PKDREJ: variants seen among roughly 807,000 people sequenced by gnomAD.
The protein encoded by PKDREJ is PKD and REJ homolog.
For missense variants in PKDREJ, 2,507 were observed against 2,807.2 expected, an observed-to-expected ratio of 0.89 and a Z score of 2.42; for synonymous variants, 1,031 against 1,095.5, an observed-to-expected ratio of 0.94 and a Z score of 1.16.
chr22:46,259,362 T>C lies in PKDREJ; in HGVS notation c.3961A>G (p.Ser1321Gly), dbSNP rs777653724. 9 of 1,614,106 alleles carry C rather than the reference T, an allele frequency of 5.6e-6. No individual in the cohort carries two copies. Among genetic ancestry groups the C allele is most frequent in the Non-Finnish European group, 5.9e-6 (7 of 1,180,046 alleles). The change falls in exon 1 of 1, where the codon AGC (serine) becomes GGC (glycine). Residue 1321 changes from serine to glycine, a missense_variant. By Grantham distance (56) the Ser-to-Gly change is moderately conservative. Transcript: ENST00000253255. This position sits in a 1 kb window ranked among gnomAD's most constrained non-coding sequence, Gnocchi z 6.8. ...LSRIKVENLF[S>G]RHIWLFICQK... The stretch of plus-strand genomic sequence containing the variant: ...CATATGAACAGCCAAATGTGCCTGC[T>C]AAACAGATTTTCCACTTTGATTCTA...
In PKDREJ at chr22:46,257,666, A is replaced by T; in HGVS notation, c.5657T>A (p.Phe1886Tyr). 6.2e-7 allele frequency: 1 copy of T among 1,614,180 alleles called. No individual in the cohort carries two copies. The highest frequency in any genetic ancestry group is 2.2e-5 in the East Asian group (1 of 44,886). ...GGAATTAAACCGCTGCTGTTCTGGA[A>T]AAAAATAGAGTGCATATCCTCCAGA... ...YGSGGYALYF[F>Y]PEQQRFNSTL... The change falls in exon 1 of 1, where the codon TTT becomes TAT. Residue 1886 changes from phenylalanine (F) to tyrosine (Y), a missense_variant. Phe to Tyr is a conservative substitution (Grantham distance 22). Coordinates refer to ENST00000253255, the MANE Select transcript of PKDREJ (RefSeq NM_006071.2). The surrounding 1 kb of genome is among the most constrained non-coding windows in gnomAD (Gnocchi z 4.7).
At position 46,260,250 on chromosome 22, in the gene PKDREJ, C is replaced by T; in HGVS notation, c.3073G>A (p.Val1025Ile). 1 of 1,614,132 alleles carries T rather than the reference C, an allele frequency of 6.2e-7. No individual in the cohort carries two copies. The change falls in exon 1 of 1, where the codon GTC becomes ATC. Residue 1025 changes from valine to isoleucine, a missense_variant. Val to Ile is a conservative substitution (Grantham distance 29). Transcript: ENST00000253255. The surrounding 1 kb of genome is among the most constrained non-coding windows in gnomAD (Gnocchi z 4.5). Reference protein sequence around the residue: ...TGSQITPTALVATFLVPHDIP... With the variant: ...TGSQITPTALIATFLVPHDIP... ...TCATGAGGCACCAGGAAGGTGGCGACCAGCGCTGTGGGAGTGATCTGACTG... is the reference window on the plus strand; with the variant it reads ...TCATGAGGCACCAGGAAGGTGGCGATCAGCGCTGTGGGAGTGATCTGACTG...
At position 46,262,893 on chromosome 22, in the gene PKDREJ, G is replaced by A. The variant is rs1310139970; in HGVS notation, c.430C>T (p.Arg144Cys). The change falls in exon 1 of 1, where the codon CGC becomes TGC. Residue 144 changes from arginine to cysteine, a missense_variant. Arg to Cys is a radical substitution (Grantham distance 180). Transcript: ENST00000253255. The surrounding 1 kb of genome is among the most constrained non-coding windows in gnomAD (Gnocchi z 8.1). ...RSPGRLAWAF[R>C]LRLLGPGAAR... is the part of the protein sequence containing the mutation. The stretch of plus-strand genomic sequence containing the variant: ...GCGCCGGGTCCGAGCAGCCGCAGGC[G>A]GAAGGCCCAGGCCAGGCGCCCGGGC... The A allele has an allele frequency of 3.7e-6, 4 of 1,072,388 alleles. No homozygotes were observed. The highest frequency in any genetic ancestry group is 4.5e-6 in the Non-Finnish European group (4 of 887,568). The allele number at this position is 1,072,388 out of a possible 1,614,324, so 66.4% of individuals were successfully genotyped here. A position where few individuals can be genotyped will look rare whatever the true frequency, so the allele number is the denominator to read the frequency against.
chr22:46,262,749 TCA>T lies in PKDREJ; in HGVS notation c.572_573del (p.Val191AspfsTer105). ...CTGGACGAGTTGACGGCCTGCAACA[TCA>T]CGCGCGCGGGGCCGTCTGTGGGGCA... ...TECPTDGPAR[V>X]MLQAVNSSSH... is the part of the protein sequence containing the mutation. On this transcript the variant is annotated frameshift_variant, in exon 1 of 1. Transcript: ENST00000253255. LOFTEE classifies it low-confidence loss of function (END_TRUNC). The surrounding 1 kb of genome is among the most constrained non-coding windows in gnomAD (Gnocchi z 8.1). 1 of 1,596,224 alleles carries T rather than the reference TCA, an allele frequency of 6.3e-7. No homozygotes were observed.
At position 46,258,402 on chromosome 22, in the gene PKDREJ, G is replaced by C; in HGVS notation, c.4921C>G (p.Pro1641Ala). The C allele has an allele frequency of 6.2e-7, 1 of 1,614,072 alleles. No individual in the cohort carries two copies. Among genetic ancestry groups the C allele is most frequent in the Non-Finnish European group, 8.5e-7 (1 of 1,180,006 alleles). The change falls in exon 1 of 1, where the codon CCC becomes GCC. Residue 1641 changes from proline to alanine, a missense_variant. By Grantham distance (27) the Pro-to-Ala change is conservative (BLOSUM62 -1). Transcript: ENST00000253255. The surrounding 1 kb of genome is among the most constrained non-coding windows in gnomAD (Gnocchi z 6.1). ...ILLSGFRTNK[P>A]KYCKNLSWST... is the part of the protein sequence containing the mutation. Reference sequence around the variant, plus strand: ...CATGAAAGGTTTTTGCAATACTTGGGTTTATTCGTTCTGAAGCCTGACAGG... The same window carrying C: ...CATGAAAGGTTTTTGCAATACTTGGCTTTATTCGTTCTGAAGCCTGACAGG...
In PKDREJ at chr22:46,257,896, G is replaced by T; in HGVS notation, c.5427C>A (p.Ala1809=). The T allele has an allele frequency of 6.2e-7, 1 of 1,613,984 alleles. No individual in the cohort carries two copies. Among genetic ancestry groups the T allele is most frequent in the Non-Finnish European group, 8.5e-7 (1 of 1,180,010 alleles). ...AKSSEKMCLP[A]EKFVQNSIRR... The stretch of plus-strand genomic sequence containing the variant: ...TGATGCTGTTTTGCACAAACTTTTC[G>T]GCAGGTAGACACATTTTTTCACTAG... The change falls in exon 1 of 1, where the codon GCC becomes GCA. Residue 1809 remains alanine (A), a synonymous_variant. Transcript: ENST00000253255. The surrounding 1 kb of genome is among the most constrained non-coding windows in gnomAD (Gnocchi z 4.7).
rs1936697437 is a variant in PKDREJ, at chr22:46,261,631, T to A, written c.1692A>T (p.Gly564=). The A allele has an allele frequency of 1.2e-6, 2 of 1,613,910 alleles. No homozygotes were observed. The highest frequency in any genetic ancestry group is 1.7e-5 in the Admixed American group (1 of 59,998). The stretch of plus-strand genomic sequence containing the variant: ...CTTTAGCTGGATTAATTTTGCATTC[T>A]CCGATCTGAGGGCCATGGTTAATAA... ...SFIINHGPQI[G]ECKINPAKGI... Residue 564 remains glycine (G), a synonymous_variant, in exon 1 of 1, where the codon GGA becomes GGT. Coordinates refer to ENST00000253255, the MANE Select transcript of PKDREJ (RefSeq NM_006071.2). The surrounding 1 kb of genome is among the most constrained non-coding windows in gnomAD (Gnocchi z 7.1).
In PKDREJ at chr22:46,262,985, A is replaced by ACGAGCGCGAGCG; in HGVS notation, c.326_337dup (p.Ala109_Leu112dup). ...GCCGCGCGCGGAGAGCTGCAGGTCG[A>ACGAGCGCGAGCG]CGAGCGCGAGCGCGGGCGCGGCCGG... is the stretch of plus-strand genomic sequence containing the variant. On this transcript the variant is annotated inframe_insertion, in exon 1 of 1. Coordinates refer to ENST00000253255, the MANE Select transcript of PKDREJ (RefSeq NM_006071.2). This position sits in a 1 kb window ranked among gnomAD's most constrained non-coding sequence, Gnocchi z 8.1. 4 of 1,214,772 alleles carry ACGAGCGCGAGCG rather than the reference A, an allele frequency of 3.3e-6. No homozygotes were observed. Among genetic ancestry groups the ACGAGCGCGAGCG allele is most frequent in the Non-Finnish European group, 4.1e-6 (4 of 971,866 alleles). 75.2% of individuals were successfully genotyped at this position (1,214,772 alleles called of 1,614,324 possible).
Position 46,262,322 on chromosome 22 carries a change from C to A in PKDREJ, c.1001G>T (p.Ser334Ile). The A allele has an allele frequency of 6.2e-7, 1 of 1,614,216 alleles. No homozygotes were observed. The highest frequency in any genetic ancestry group is 8.5e-7 in the Non-Finnish European group (1 of 1,180,048). The change falls in exon 1 of 1, where the codon AGT (serine) becomes ATT (isoleucine). Residue 334 changes from serine (S) to isoleucine (I), a missense_variant. Coordinates refer to ENST00000253255, the MANE Select transcript of PKDREJ (RefSeq NM_006071.2). This position sits in a 1 kb window ranked among gnomAD's most constrained non-coding sequence, Gnocchi z 8.1. ...GCCAAGCATCACCGCCTGCAGGGAA[C>A]TCCTGACGATCCAGACATAGACGGC... ...SDAVYVWIVR[S>I]SLQAVMLGDA...
In PKDREJ at chr22:46,260,194, CAG is replaced by C. The variant is rs1385922119; in HGVS notation, c.3127_3128del (p.Leu1043ValfsTer2). 6 of 1,614,144 alleles carry C rather than the reference CAG, an allele frequency of 3.7e-6. No homozygotes were observed. The Admixed American group carries it at 5.0e-5, about 13-fold the overall frequency. On this transcript the variant is annotated frameshift_variant, in exon 1 of 1. Transcript: ENST00000253255. LOFTEE classifies it low-confidence loss of function (END_TRUNC). This position sits in a 1 kb window ranked among gnomAD's most constrained non-coding sequence, Gnocchi z 4.5. ...DIPPFASQSA[L>X]FDPACTVKKA... is the part of the protein sequence containing the mutation. Reference sequence around the variant, plus strand: ...TCTTCACTGTGCAGGCTGGGTCAAACAGGGCACTCTGGCTGGCAAATGGAGGG... The same window carrying C: ...TCTTCACTGTGCAGGCTGGGTCAAACGGCACTCTGGCTGGCAAATGGAGGG...
In PKDREJ at chr22:46,257,679, C is replaced by T. The variant is rs1936647849; in HGVS notation, c.5644G>A (p.Ala1882Thr). The change falls in exon 1 of 1, where the codon GCA becomes ACA. Residue 1882 changes from alanine to threonine, a missense_variant. Coordinates refer to ENST00000253255, the MANE Select transcript of PKDREJ (RefSeq NM_006071.2). This position sits in a 1 kb window ranked among gnomAD's most constrained non-coding sequence, Gnocchi z 4.7. ...TGCTGTTCTGGAAAAAAATAGAGTG[C>T]ATATCCTCCAGATCCATAGGTGTGT... ...LLHTYGSGGY[A>T]LYFFPEQQRF... The T allele has an allele frequency of 1.2e-5, 19 of 1,614,192 alleles. No homozygotes were observed. Among genetic ancestry groups the T allele is most frequent in the Non-Finnish European group, 1.6e-5 (19 of 1,180,012 alleles).
In PKDREJ at chr22:46,256,495, C is replaced by T. The variant is rs1936632669; in HGVS notation, c.*66G>A. The T allele has an allele frequency of 3.9e-6, 6 of 1,543,942 alleles. No homozygotes were observed. The highest frequency in any genetic ancestry group is 2.2e-5 in the East Asian group (1 of 44,542). ...GACTAGGCCACTGACACTCCCTAAT[C>T]CCCTTAATCCCACAGACTCAGCAGT... On this transcript the variant is annotated 3_prime_UTR_variant, in exon 1 of 1. Transcript: ENST00000253255. This position sits in a 1 kb window ranked among gnomAD's most constrained non-coding sequence, Gnocchi z 5.3.
chr22:46,263,241 G>A lies in PKDREJ; in HGVS notation c.82C>T (p.Arg28Cys). 1 of 1,458,778 alleles carries A rather than the reference G, an allele frequency of 6.9e-7. No homozygotes were observed. Among genetic ancestry groups the A allele is most frequent in the South Asian group, 1.3e-5 (1 of 77,254 alleles). The allele number at this position is 1,458,778 out of a possible 1,614,324, so 90.4% of individuals were successfully genotyped here. The change falls in exon 1 of 1, where the codon CGC becomes TGC. Residue 28 changes from arginine to cysteine, a missense_variant. By Grantham distance (180) the Arg-to-Cys change is radical (BLOSUM62 -3). Transcript: ENST00000253255. The surrounding 1 kb of genome is among the most constrained non-coding windows in gnomAD (Gnocchi z 9.4). ...VGRLPLPPVPRGAQAAVSGAP... is the reference protein window; with the variant it reads ...VGRLPLPPVPCGAQAAVSGAP... Reference sequence around the variant, plus strand: ...CCGGAGACGGCGGCTTGTGCCCCGCGAGGAACCGGCGGCAGCGGGAGGCGG... The same window carrying A: ...CCGGAGACGGCGGCTTGTGCCCCGCAAGGAACCGGCGGCAGCGGGAGGCGG...
rs202165704 is a variant in PKDREJ, at chr22:46,258,711, T to C, written c.4612A>G (p.Thr1538Ala). ...TCTTCTATGTTGTTATTGGAATTTGTATTTGGCCCGAGGGTCTCCGGGGTC... is the reference window on the plus strand; with the variant it reads ...TCTTCTATGTTGTTATTGGAATTTGCATTTGGCCCGAGGGTCTCCGGGGTC... ...IKTPETLGPN[T>A]NSNNNIEDDQ... The change falls in exon 1 of 1, where the codon ACA (threonine) becomes GCA (alanine). Residue 1538 changes from threonine to alanine, a missense_variant. Coordinates refer to ENST00000253255, the MANE Select transcript of PKDREJ (RefSeq NM_006071.2). This position sits in a 1 kb window ranked among gnomAD's most constrained non-coding sequence, Gnocchi z 6.1. The C allele has an allele frequency of 1.9e-3, 3,044 of 1,614,216 alleles. 65 individuals are homozygous for C. The South Asian group carries it at 0.031, about 17-fold the overall frequency.
rs1936696063 is a variant in PKDREJ, at chr22:46,261,461, AGGATGGTCCCCAG to A, written c.1849_1861del (p.Leu617CysfsTer25). On this transcript the variant is annotated frameshift_variant, in exon 1 of 1. Coordinates refer to ENST00000253255, the MANE Select transcript of PKDREJ (RefSeq NM_006071.2). LOFTEE classifies it low-confidence loss of function (END_TRUNC). The surrounding 1 kb of genome is among the most constrained non-coding windows in gnomAD (Gnocchi z 7.1). ...TACTGTGGACTGAGGCCCCAAGTAC[AGGATGGTCCCCAG>A]GGTGTTCTCTTTTACTGAACTGATT... 1.2e-6 allele frequency: 2 copies of A among 1,614,200 alleles called. No individual in the cohort carries two copies.
In PKDREJ at chr22:46,263,240, C is replaced by T; in HGVS notation, c.83G>A (p.Arg28His). 1 of 1,463,838 alleles carries T rather than the reference C, an allele frequency of 6.8e-7. No individual in the cohort carries two copies. The highest frequency in any genetic ancestry group is 9.0e-7 in the Non-Finnish European group (1 of 1,115,256). 90.7% of individuals were successfully genotyped at this position (1,463,838 alleles called of 1,614,324 possible). A position where few individuals can be genotyped will look rare whatever the true frequency, so the allele number is the denominator to read the frequency against. The change falls in exon 1 of 1, where the codon CGC (arginine) becomes CAC (histidine). Residue 28 changes from arginine (R) to histidine (H), a missense_variant. By Grantham distance (29) the Arg-to-His change is conservative. Transcript: ENST00000253255. The surrounding 1 kb of genome is among the most constrained non-coding windows in gnomAD (Gnocchi z 9.4). ...VGRLPLPPVP[R>H]GAQAAVSGAP... Reference sequence around the variant, plus strand: ...CCCGGAGACGGCGGCTTGTGCCCCGCGAGGAACCGGCGGCAGCGGGAGGCG... The same window carrying T: ...CCCGGAGACGGCGGCTTGTGCCCCGTGAGGAACCGGCGGCAGCGGGAGGCG...
chr22:46,258,676 A>T lies in PKDREJ; in HGVS notation c.4647T>A (p.Asp1549Glu), dbSNP rs557509633. The change falls in exon 1 of 1, where the codon GAT becomes GAA. Residue 1549 changes from aspartate (D) to glutamate (E), a missense_variant. Physicochemically the swap from Asp to Glu is conservative, Grantham distance 45. Transcript: ENST00000253255. This position sits in a 1 kb window ranked among gnomAD's most constrained non-coding sequence, Gnocchi z 6.1. ...NSNNNIEDDQ[D>E]VHSEQHPSQK... Reference sequence around the variant, plus strand: ...GGGAAGGGTGCTGTTCGGAATGGACATCCTGATCATCTTCTATGTTGTTAT... The same window carrying T: ...GGGAAGGGTGCTGTTCGGAATGGACTTCCTGATCATCTTCTATGTTGTTAT... 1 of 1,614,188 alleles carries T rather than the reference A, an allele frequency of 6.2e-7. No individual in the cohort carries two copies. Among genetic ancestry groups the T allele is most frequent in the African/African-American group, 1.3e-5 (1 of 75,034 alleles).
rs1936713827 is a variant in PKDREJ, at chr22:46,262,800, G to C, written c.523C>G (p.Gln175Glu). Residue 175 changes from glutamine to glutamate, a missense_variant, in exon 1 of 1, where the codon CAG (glutamine) becomes GAG (glutamate). Gln to Glu is a conservative substitution (Grantham distance 29). Coordinates refer to ENST00000253255, the MANE Select transcript of PKDREJ (RefSeq NM_006071.2). This position sits in a 1 kb window ranked among gnomAD's most constrained non-coding sequence, Gnocchi z 8.1. Reference sequence around the variant, plus strand: ...CACTCGGTGCGGGCCACGAAGCCCTGCTGGGGCCGCGGGCCTGGCGCGGCG... The same window carrying C: ...CACTCGGTGCGGGCCACGAAGCCCTCCTGGGGCCGCGGGCCTGGCGCGGCG... ...RSAAPGPRPQ[Q>E]GFVARTECPT... is the part of the protein sequence containing the mutation. 7.4e-7 allele frequency: 1 copy of C among 1,342,726 alleles called. No individual in the cohort carries two copies. Among genetic ancestry groups the C allele is most frequent in the South Asian group, 2.2e-5 (1 of 44,604 alleles). The allele number at this position is 1,342,726 out of a possible 1,614,324, so 83.2% of individuals were successfully genotyped here.
chr22:46,260,856 G>T lies in PKDREJ; in HGVS notation c.2467C>A (p.Pro823Thr), dbSNP rs1183384868. 6.2e-7 allele frequency: 1 copy of T among 1,613,650 alleles called. No homozygotes were observed. Among genetic ancestry groups the T allele is most frequent in the African/African-American group, 1.3e-5 (1 of 74,916 alleles). The change falls in exon 1 of 1, where the codon CCT becomes ACT. Residue 823 changes from proline to threonine, a missense_variant. Coordinates refer to ENST00000253255, the MANE Select transcript of PKDREJ (RefSeq NM_006071.2). This position sits in a 1 kb window ranked among gnomAD's most constrained non-coding sequence, Gnocchi z 4.5. ...AAAGGATCTTTAACTACTTGGTGAG[G>T]AGAAGTCATTTTAAGAATATTAGAC... ...SLSNILKMTS[P>T]HQVVKDPFYV...
Sources: allele counts gnomAD v4.1 joint callset, GRCh38; gene constraint gnomAD v4.1.1; non-coding constraint Gnocchi (gnomAD v3.1); transcripts MANE v1.5; gene names NCBI Gene and HGNC (gene_info 2026-07-23, HGNC 2026-07-21).